Variants in PPP3CA observed in about 807,000 individuals in gnomAD.
PPP3CA encodes CAM-PRP catalytic subunit.
PPP3CA carries 14 observed loss-of-function variants against 66.5 expected under a neutral mutation model. The ratio of observed to expected loss-of-function variants is 0.21; its 90% CI spans 0.14 to 0.33. The LOEUF (loss-of-function observed/expected upper bound fraction) is 0.33. Among genes scored for constraint, PPP3CA ranks in the 10% least tolerant of loss-of-function variants. The pLI is 1.00. For synonymous variants in PPP3CA, 232 were observed against 226.2 expected (o/e 1.03, Z -0.23); for missense variants, 317 against 639.5 (o/e 0.50, Z 5.44).
rs187662726 is a variant in PPP3CA, at chr4:101,249,077, G to A, written c.59-52961C>T. Among the ~76,000 whole-genome samples, 216 of 151,806 alleles carry A rather than the reference G, an allele frequency of 1.4e-3. No homozygotes were observed. The Middle Eastern group carries it at 0.02, about 14-fold the overall frequency. On this transcript the variant is annotated intron_variant, in intron 1 of 13. Transcript: ENST00000394854. ...CGGGAGGCTGAGGCAGGAGAATGGC[G>A]TGAACCCGGGAAGCGGAGCTTGCAG...
chr4:101,028,864 T>A (rs1306656537), intron 13 of PPP3CA, among the ~76,000 whole-genome samples: 1 of 152,166 alleles, frequency 6.6e-6, no homozygotes, highest in African/African-American at 2.4e-5. Flanking sequence ...TATAAGCTAC[T>A]GGTCAAAACA....
At chr4:101,294,743 A>G (rs1335940998) in intron 1 of PPP3CA, among the ~76,000 whole-genome samples, 1 of 152,124 alleles carries the variant, frequency 6.6e-6, no homozygotes, top group African/African-American at 2.4e-5. Context: ...TATGCATTGT[A>G]GGATGTTTGG....
At position 101,025,794 on chromosome 4, in the gene PPP3CA, A is replaced by G. The variant is rs750383561; in HGVS notation, c.*71T>C. ...CAAGAACATCCAACTGCTGATATGC[A>G]GCAATCCCCATCATGCCCCGCAGCT... On this transcript the variant is annotated 3_prime_UTR_variant, in exon 14 of 14. Coordinates refer to ENST00000394854, the MANE Select transcript of PPP3CA (RefSeq NM_000944.5). 92 of 1,266,528 alleles carry G rather than the reference A, an allele frequency of 7.3e-5. No individual in the cohort carries two copies. The highest frequency in any genetic ancestry group is 1.5e-4 in the Admixed American group (6 of 39,070). 78.5% of individuals were successfully genotyped at this position (1,266,528 alleles called of 1,614,324 possible).
intron 2 of PPP3CA, among the ~76,000 whole-genome samples, chr4:101,160,206 C>T (rs1164765051): frequency 6.6e-6 from 1 of 152,112 alleles, no homozygotes; most frequent in African/African-American, 2.4e-5. Context: ...TTTACAGTGA[C>T]TGCAATGATG....
Position 101,106,453 on chromosome 4 carries a change from G to GAAAGAAGAGAAA in PPP3CA, c.384+2500_384+2501insTTTCTCTTCTTT, listed in dbSNP as rs775018059. 2.6e-3 allele frequency among the ~76,000 whole-genome samples: 93 copies of GAAAGAAGAGAAA among 35,514 alleles called. 8 individuals carry two copies. Among genetic ancestry groups the GAAAGAAGAGAAA allele is most frequent in the Non-Finnish European group, 3.6e-3 (68 of 19,012 alleles). 23.3% of individuals were successfully genotyped at this position (35,514 alleles called of 152,430 possible). A position where few individuals can be genotyped will look rare whatever the true frequency, so the allele number is the denominator to read the frequency against. On this transcript the variant is annotated intron_variant, in intron 3 of 13. Transcript: ENST00000394854. ...AGAAAGAAAGAAAGAAAGAAAGAAA[G>GAAAGAAGAGAAA]AGAAAAGAAAAGAAAAGAAAAGAAA...
At chr4:101,085,483 G>GA (rs532756663) in intron 6 of PPP3CA, among the ~76,000 whole-genome samples, 11 of 152,136 alleles carry the variant, frequency 7.2e-5, no homozygotes, top group African/African-American at 2.2e-4. Flanking sequence ...TTGGAAATCT[G>GA]AAAAAAATAA....
At chr4:101,296,308 G>A (rs1451176371) in intron 1 of PPP3CA, among the ~76,000 whole-genome samples, 1 of 151,998 alleles carries the variant, frequency 6.6e-6, no homozygotes, top group Non-Finnish European at 1.5e-5. Flanking sequence ...ATTTCTCAGA[G>A]GCTATTATGT....
chr4:101,087,835 A>C (rs1320471128), intron 6 of PPP3CA, among the ~76,000 whole-genome samples: 1 of 152,142 alleles, frequency 6.6e-6, no homozygotes, highest in Non-Finnish European at 1.5e-5. Flanking sequence ...TGGTAATATG[A>C]ATGTTCAGTT....
intron 2 of PPP3CA, among the ~76,000 whole-genome samples, chr4:101,183,578 T>C (rs1019851705): frequency 6.6e-6 from 1 of 152,178 alleles, no homozygotes; most frequent in Admixed American, 6.5e-5. Context: ...TCCTTTGCCC[T>C]GTTTAACTCT....
rs1560605283 is a variant in PPP3CA, at chr4:101,106,470, GAAAAGAAAAGAAAAGAAAAGAAAAGA to G, written c.384+2458_384+2483del. On this transcript the variant is annotated intron_variant, in intron 3 of 13. Transcript: ENST00000394854. ...GAAAGAAAGAGAAAAGAAAAGAAAA[GAAAAGAAAAGAAAAGAAAAGAAAAGA>G]AAAGAAAGAAAGAAAGAAAAAGAAA... Among the ~76,000 whole-genome samples the G allele has an allele frequency of 5.4e-4, 16 of 29,496 alleles. 2 individuals are homozygous for G. Among genetic ancestry groups the G allele is most frequent in the African/African-American group, 3.1e-3 (12 of 3,902 alleles). The allele number at this position is 29,496 out of a possible 152,430, so 19.4% of individuals were successfully genotyped here.
At chr4:101,072,885 G>C (rs13328021) in intron 8 of PPP3CA, among the ~76,000 whole-genome samples, 9,330 of 146,900 alleles carry the variant, frequency 0.064, 342 homozygotes, top group African/African-American at 0.094. Flanking sequence ...GCAGTGAGCC[G>C]AGATTGAGCC....
intron 1 of PPP3CA, among the ~76,000 whole-genome samples, chr4:101,346,257 G>A (rs1729990234): frequency 6.6e-6 from 1 of 152,110 alleles, no homozygotes; most frequent in Non-Finnish European, 1.5e-5. Context: ...CTGCCCAAGT[G>A]AGGCAGTCGG....
At chr4:101,128,207 T>C (rs1285365016) in intron 2 of PPP3CA, among the ~76,000 whole-genome samples, 2 of 152,200 alleles carry the variant, frequency 1.3e-5, no homozygotes, top group African/African-American at 4.8e-5. Flanking sequence ...GTTATAGTGT[T>C]CTATACCACT....
At chr4:101,026,946 C>G (rs1031849327) in intron 13 of PPP3CA, among the ~76,000 whole-genome samples, 1 of 152,112 alleles carries the variant, frequency 6.6e-6, no homozygotes, top group African/African-American at 2.4e-5. Flanking sequence ...TGGTTTTGGT[C>G]CTATTCAATT....
chr4:101,191,211 A>G (rs192613341), intron 2 of PPP3CA, among the ~76,000 whole-genome samples: 2 of 152,296 alleles, frequency 1.3e-5, no homozygotes, highest in East Asian at 3.9e-4. Flanking sequence ...GGCAGAACTC[A>G]GCAATCTGTA....
At chr4:101,295,319 A>G (rs532451798) in intron 1 of PPP3CA, among the ~76,000 whole-genome samples, 2 of 149,036 alleles carry the variant, frequency 1.3e-5, no homozygotes, top group South Asian at 4.2e-4. Context: ...AAAAAAAAAA[A>G]AAAAAAAAAA....
intron 2 of PPP3CA, among the ~76,000 whole-genome samples, chr4:101,165,142 A>G (rs1407691708): frequency 2.6e-5 from 4 of 152,108 alleles, no homozygotes; most frequent in Non-Finnish European, 4.4e-5. Flanking sequence ...AATAACAACA[A>G]CAGCAACAAA....
At chr4:101,318,629 T>C (rs1389442790) in intron 1 of PPP3CA, among the ~76,000 whole-genome samples, 1 of 152,184 alleles carries the variant, frequency 6.6e-6, no homozygotes, top group African/African-American at 2.4e-5. Context: ...CATAAAAGTA[T>C]GCAGTAGATA....
At chr4:101,116,289 G>A (rs1209544178) in intron 2 of PPP3CA, among the ~76,000 whole-genome samples, 1 of 151,778 alleles carries the variant, frequency 6.6e-6, no homozygotes, top group East Asian at 1.9e-4. Flanking sequence ...TCAACCCAGT[G>A]TTTTTTCCAT....
Sources: allele counts gnomAD v4.1 joint callset (sites outside exome capture counted in the v4.1 genomes callset), GRCh38; gene constraint gnomAD v4.1.1; transcripts MANE v1.5; gene names NCBI Gene and HGNC (gene_info 2026-07-23, HGNC 2026-07-21).